The following SHISA9 variants were observed in gnomAD, a reference collection of about 807,000 sequenced individuals.
SHISA9 encodes the protein protein shisa-9.
SHISA9 carries 13 observed loss-of-function variants against 38.0 expected under a neutral mutation model. The ratio of observed to expected loss-of-function variants is 0.34; its 90% confidence interval spans 0.22 to 0.54. The LOEUF (loss-of-function observed/expected upper bound fraction) is 0.54, where lower values mean the gene tolerates loss of function less well. Ranked by LOEUF, SHISA9 falls within the 20% of genes least tolerant of loss-of-function variation. SHISA9 has a pLI of 0.91. For missense variants in SHISA9, 538 were observed against 575.8 expected (o/e 0.93, Z 0.67); for synonymous variants, 275 against 242.0 (o/e 1.14, Z -1.27).
intron 2 of SHISA9, among the ~76,000 whole-genome samples, chr16:13,132,444 T>A (rs2050314220): frequency 6.6e-6 from 1 of 152,168 alleles, no homozygotes; most frequent in Non-Finnish European, 1.5e-5. Context: ...TTTTCATACC[T>A]TTGGCATGAC....
At chr16:13,418,311 T>C in the SHISA9 span, among the ~76,000 whole-genome samples, 1 of 152,196 alleles carries the variant, frequency 6.6e-6, no homozygotes, top group South Asian at 2.1e-4. Flanking sequence ...TATGATTCTA[T>C]GGATCAGGAA....
At chr16:13,041,658 G>A (rs1413801376) in intron 2 of SHISA9, among the ~76,000 whole-genome samples, 2 of 152,204 alleles carry the variant, frequency 1.3e-5, no homozygotes, top group Non-Finnish European at 1.5e-5. Flanking sequence ...CTAATCTGAT[G>A]AGCTGCATGC....
intron 2 of SHISA9, among the ~76,000 whole-genome samples, chr16:13,088,843 C>G (rs759111331): frequency 3.3e-5 from 5 of 152,184 alleles, no homozygotes; most frequent in African/African-American, 4.8e-5. Context: ...ACTTCCAACA[C>G]TATGTTGAAT....
chr16:13,023,498 A>T (rs1453250329), intron 2 of SHISA9, among the ~76,000 whole-genome samples: 1 of 152,152 alleles, frequency 6.6e-6, no homozygotes, highest in Admixed American at 6.5e-5. Flanking sequence ...ATGTGTCTTT[A>T]TAGTAGCATG....
At position 12,901,922 on chromosome 16, in the gene SHISA9, C is replaced by G. The variant is rs1484550652; in HGVS notation, c.-143C>G. 1 of 469,994 alleles carries G rather than the reference C, an allele frequency of 2.1e-6. No individual in the cohort carries two copies. The highest frequency in any genetic ancestry group is 5.0e-5 in the Admixed American group (1 of 20,048). The allele number at this position is 469,994 out of a possible 1,614,324, so 29.1% of individuals were successfully genotyped here. A position where few individuals can be genotyped will look rare whatever the true frequency, so the allele number is the denominator to read the frequency against. ...AGCGCAGTGGCCGCCGACCACCGAG[C>G]GCCCCGCGCCGCTCCCTGCATGTGC... On this transcript the variant is annotated 5_prime_UTR_variant, in exon 1 of 5. Transcript: ENST00000558583.
At chr16:13,246,359 T>C in the SHISA9 span, 30,587 of 152,232 alleles carry the variant, frequency 0.2, 3,184 homozygotes, top group African/African-American at 0.24. Flanking sequence ...CCTTCTGCCA[T>C]GATTATGAGG....
chr16:13,195,711 G>C (rs998409116), intron 2 of SHISA9, among the ~76,000 whole-genome samples: 1 of 152,150 alleles, frequency 6.6e-6, no homozygotes, highest in African/African-American at 2.4e-5. Context: ...TTTTTGCTAT[G>C]TTATGAGAAT....
the SHISA9 span, among the ~76,000 whole-genome samples, chr16:13,502,365 C>A: frequency 6.6e-6 from 1 of 152,148 alleles, no homozygotes; most frequent in African/African-American, 2.4e-5. Flanking sequence ...ACGTGCCAGA[C>A]GTAGCCTTCA....
rs1344523256 is a variant in SHISA9 at position 13,201,163 on chromosome 16, A to T, written c.692-2231A>T. Among the ~76,000 whole-genome samples the T allele has an allele frequency of 5.2e-5, 7 of 135,244 alleles. 1 individual carries two copies. Among genetic ancestry groups the T allele is most frequent in the African/African-American group, 2.0e-4 (7 of 34,408 alleles). 88.7% of individuals were successfully genotyped at this position (135,244 alleles called of 152,430 possible). ...CAAACTTGGTACCACCTGTTTTTGT[A>T]AATAAAGTTTTATTGGAACACAGCC... On this transcript the variant is annotated intron_variant, in intron 2 of 4. Transcript: ENST00000558583.
chr16:13,323,554 TA>T, the SHISA9 span, among the ~76,000 whole-genome samples: 1 of 152,182 alleles, frequency 6.6e-6, no homozygotes, highest in South Asian at 2.1e-4. Flanking sequence ...CACACTACTA[TA>T]AAGAACTGCT....
chr16:13,508,787 C>T, the SHISA9 span, among the ~76,000 whole-genome samples: 2 of 152,180 alleles, frequency 1.3e-5, no homozygotes, highest in East Asian at 3.9e-4. Flanking sequence ...AGGAGAAAGA[C>T]ATAATTTCTC....
chr16:13,274,579 C>A, the SHISA9 span, among the ~76,000 whole-genome samples: 1 of 152,016 alleles, frequency 6.6e-6, no homozygotes, highest in African/African-American at 2.4e-5. Flanking sequence ...GTTGTTAATT[C>A]CCCATGGTAG....
intron 1 of SHISA9, among the ~76,000 whole-genome samples, chr16:12,907,609 A>T (rs2071119801): frequency 6.6e-6 from 1 of 152,162 alleles, no homozygotes; most frequent in East Asian, 1.9e-4. Context: ...TCACTCGCAC[A>T]AAAACAGGTC....
Position 13,195,442 on chromosome 16 carries a change from A to T in SHISA9, c.692-7952A>T, listed in dbSNP as rs145973213. On this transcript the variant is annotated intron_variant, in intron 2 of 4. Transcript: ENST00000558583. ...TATGAATACATGATTGAATCAATAC[A>T]TAAATGAGGAAGAAGAGACAAATCT... 8.0e-3 allele frequency among the ~76,000 whole-genome samples: 1,217 copies of T among 152,364 alleles called. 11 individuals carry two copies. The highest frequency in any genetic ancestry group is 0.013 in the Non-Finnish European group (889 of 68,030).
the SHISA9 span, among the ~76,000 whole-genome samples, chr16:13,306,233 G>T: frequency 6.6e-6 from 1 of 152,198 alleles, no homozygotes; most frequent in Non-Finnish European, 1.5e-5. Flanking sequence ...CAACCAATCT[G>T]CAGGAAGGGA....
At chr16:13,418,266 C>A in the SHISA9 span, among the ~76,000 whole-genome samples, 8 of 152,116 alleles carry the variant, frequency 5.3e-5, no homozygotes, top group East Asian at 1.5e-3. Context: ...CAGCCCCAAA[C>A]TTAGTGGCAT....
At chr16:13,434,994 A>C in the SHISA9 span, among the ~76,000 whole-genome samples, 4 of 152,200 alleles carry the variant, frequency 2.6e-5, no homozygotes, top group African/African-American at 9.7e-5. Context: ...GTTTAAAATG[A>C]AAAATACACT....
In SHISA9 at chr16:13,100,297, T is replaced by C. The variant is rs189743338; in HGVS notation, c.692-103097T>C. On this transcript the variant is annotated intron_variant, in intron 2 of 4. Transcript: ENST00000558583. ...GTTTACTGAATACAAGGATTTGGGC[T>C]TTGTTTTATTTTATTTTATTTATTT... 1.7e-4 allele frequency among the ~76,000 whole-genome samples: 26 copies of C among 152,352 alleles called. No individual in the cohort carries two copies. In the East Asian group the frequency reaches 4.6e-3, roughly 27 times the overall value.
At chr16:13,015,030 C>T (rs868695722) in intron 2 of SHISA9, among the ~76,000 whole-genome samples, 2 of 152,224 alleles carry the variant, frequency 1.3e-5, no homozygotes, top group Non-Finnish European at 1.5e-5. Context: ...CTCCTTTCAT[C>T]AGCATTGCTC....
Sources: allele counts gnomAD v4.1 joint callset (sites outside exome capture counted in the v4.1 genomes callset), GRCh38; gene constraint gnomAD v4.1.1; transcripts MANE v1.5; gene names NCBI Gene and HGNC (gene_info 2026-07-23, HGNC 2026-07-21).